Variants in USP20 observed in about 807,000 individuals in gnomAD.
USP20 encodes the protein ubiquitin carboxyl-terminal hydrolase 20.
In USP20, 80 loss-of-function variants were observed where a neutral mutation model predicts 124.2. That is an observed-to-expected ratio of 0.64 (90% confidence interval 0.54 to 0.78). The LOEUF is 0.78. Ranked by LOEUF, USP20 falls within the 30% of genes least tolerant of loss-of-function variation. USP20 has a pLI of 0.00. For synonymous variants in USP20, 481 were observed against 512.3 expected, an observed-to-expected ratio of 0.94 and a Z score of 0.83; for missense variants, 1,043 against 1,244.4, an observed-to-expected ratio of 0.84 and a Z score of 2.44.
At chr9:129,843,238 TGGCCAACGTGGTGAAACCTCGTC>T (rs2032336324) in intron 1 of USP20, among the ~76,000 whole-genome samples, 1 of 151,952 alleles carries the variant, frequency 6.6e-6, no homozygotes, top group Non-Finnish European at 1.5e-5. Context: ...GAGACCACCC[TGGCCAACGTGGTGAAACCTCGTC>T]TCTACTAAAA....
chr9:129,846,239 A>AT lies in USP20; in HGVS notation c.-128-3573dup, dbSNP rs1384907761. On this transcript the variant is annotated intron_variant, in intron 1 of 25. Coordinates refer to ENST00000372429, the MANE Select transcript of USP20 (RefSeq NM_001110303.4). Reference sequence around the variant, plus strand: ...CCACTGCGCCCAGCCATATATATATATATATATATTTTTTTTTTTTTTTTT... The same window carrying AT: ...CCACTGCGCCCAGCCATATATATATATTATATATATTTTTTTTTTTTTTTTT... Among the ~76,000 whole-genome samples, 8 of 21,400 alleles carry AT rather than the reference A, an allele frequency of 3.7e-4. No homozygotes were observed. In the South Asian group the frequency reaches 7.2e-3, roughly 19 times the overall value. 14.0% of individuals were successfully genotyped at this position (21,400 alleles called of 152,430 possible). A position where few individuals can be genotyped will look rare whatever the true frequency, so the allele number is the denominator to read the frequency against.
rs2034021558 is a variant in USP20, at chr9:129,869,716, T to A, written c.1437T>A (p.Ile479=). The A allele has an allele frequency of 6.2e-7, 1 of 1,613,972 alleles. No homozygotes were observed. The highest frequency in any genetic ancestry group is 1.3e-5 in the African/African-American group (1 of 74,934). The part of the protein sequence containing the change: ...VETFQDLSLP[I]PGKEDLAKLH... Reference sequence around the variant, plus strand: ...CGTTCCAGGACTTATCACTGCCCATTCCTGGAAAGGAGGACCTGGCCAAGC... The same window carrying A: ...CGTTCCAGGACTTATCACTGCCCATACCTGGAAAGGAGGACCTGGCCAAGC... The change falls in exon 14 of 26, where the codon ATT becomes ATA. Residue 479 remains isoleucine, a synonymous_variant. Transcript: ENST00000372429.
intron 1 of USP20, among the ~76,000 whole-genome samples, chr9:129,844,568 C>G (rs545945444): frequency 2.2e-5 from 3 of 137,962 alleles, no homozygotes; most frequent in Non-Finnish European, 4.6e-5. Flanking sequence ...AGAGTGTGTT[C>G]AGTCGAGATC....
At chr9:129,848,284 G>A (rs962625533) in intron 1 of USP20, among the ~76,000 whole-genome samples, 4 of 151,910 alleles carry the variant, frequency 2.6e-5, no homozygotes, top group East Asian at 1.9e-4. Flanking sequence ...CAACAAGAGC[G>A]AAACTCCATC....
rs1042938246 is a variant in USP20 at position 129,849,512 on chromosome 9, A to C, written c.-128-301A>C. On this transcript the variant is annotated intron_variant, in intron 1 of 25. Coordinates refer to ENST00000372429, the MANE Select transcript of USP20 (RefSeq NM_001110303.4). The stretch of plus-strand genomic sequence containing the variant: ...AGTGGCTCACGCCTATAATCTCAGC[A>C]CTTTGGAAGGCCTGAGGTGGGAGGA... Among the ~76,000 whole-genome samples the C allele has an allele frequency of 9.9e-5, 15 of 152,250 alleles. No homozygotes were observed. In the Middle Eastern group the frequency reaches 0.01, roughly 104 times the overall value.
intron 3 of USP20, 61 bp downstream of exon 3, chr9:129,852,697 G>A (rs1184335461): frequency 1.7e-5 from 25 of 1,493,398 alleles, no homozygotes; most frequent in Non-Finnish European, 2.1e-5. Flanking sequence ...TTCCTGGGGT[G>A]TGGACATTTC....
chr9:129,873,313 A>G (rs1425492022), intron 15 of USP20, among the ~76,000 whole-genome samples, 169 bp from the exon 16 acceptor site: 2 of 151,502 alleles, frequency 1.3e-5, no homozygotes, highest in African/African-American at 4.8e-5. Context: ...CGAACTCCTG[A>G]CCTCAGGGGA....
intron 1 of USP20, among the ~76,000 whole-genome samples, chr9:129,838,588 G>A (rs1354555223): frequency 2.0e-5 from 3 of 152,174 alleles, no homozygotes; most frequent in Admixed American, 2.0e-4. Flanking sequence ...GAAGATGCAT[G>A]GTTTCTAAAC....
intron 3 of USP20, among the ~76,000 whole-genome samples, chr9:129,855,055 G>T (rs1298501488): frequency 6.6e-6 from 1 of 152,158 alleles, no homozygotes; most frequent in Non-Finnish European, 1.5e-5. Flanking sequence ...TGACCTCTCT[G>T]AGTCCCAGTT....
intron 9 of USP20, among the ~76,000 whole-genome samples, chr9:129,863,975 G>A (rs1234989097): frequency 3.3e-5 from 5 of 151,850 alleles, no homozygotes; most frequent in Non-Finnish European, 5.9e-5. Flanking sequence ...GTGTGGTGGC[G>A]TGTGCCTGTA....
Position 129,873,755 on chromosome 9 carries a change from G to A in USP20, c.1740+11G>A, listed in dbSNP as rs761443655. 43 of 1,609,660 alleles carry A rather than the reference G, an allele frequency of 2.7e-5. No individual in the cohort carries two copies. The South Asian group carries it at 3.5e-4, about 13-fold the overall frequency. On this transcript the variant is annotated intron_variant, in intron 17 of 25. Coordinates refer to ENST00000372429, the MANE Select transcript of USP20 (RefSeq NM_001110303.4). ...CTGCGGTTGCCCGAGGTGAGCCAGT[G>A]GCCTCGGCAGCCTCCTCCTCAGCTA...
chr9:129,866,655 C>G (rs994020804), intron 10 of USP20, among the ~76,000 whole-genome samples: 3 of 152,212 alleles, frequency 2.0e-5, no homozygotes, highest in Non-Finnish European at 4.4e-5. Flanking sequence ...GCAGAAGCAT[C>G]CCTTTCTGTG....
chr9:129,873,652 C>G, intron 16 of USP20, 47 bp from the exon 17 acceptor site: 1 of 1,613,896 alleles, frequency 6.2e-7, no homozygotes, highest in Non-Finnish European at 8.5e-7. Context: ...TCCCTGGCCC[C>G]TGGCCCTGAT....
chr9:129,863,037 G>A (rs2033630234), intron 8 of USP20, 149 bp from the exon 9 acceptor site: 1 of 455,702 alleles, frequency 2.2e-6, no homozygotes, highest in East Asian at 3.3e-5. Context: ...TAACTGGTAG[G>A]AGCCTTCTAG....
rs1211954339 is a variant in USP20, at chr9:129,868,312, C to T, written c.998C>T (p.Ser333Phe). The change falls in exon 11 of 26, where the codon TCC becomes TTC. Residue 333 changes from serine to phenylalanine, a missense_variant. Ser to Phe is a radical substitution (Grantham distance 155). Transcript: ENST00000372429. ...GAGCGGATGAAGGACCGCAAGTTCT[C>T]CTGGGGCCAGCAGCGTACAAACTCG... ...EKERMKDRKF[S>F]WGQQRTNSEQ... 2.5e-6 allele frequency: 4 copies of T among 1,613,842 alleles called. No individual in the cohort carries two copies. The highest frequency in any genetic ancestry group is 4.5e-5 in the East Asian group (2 of 44,870).
At chr9:129,851,258 C>CTTTTT (rs35791819) in intron 2 of USP20, among the ~76,000 whole-genome samples, 9,002 of 125,820 alleles carry the variant, frequency 0.072, 465 homozygotes, top group Middle Eastern at 0.1. Flanking sequence ...ATAACACATA[C>CTTTTT]TTTTTTTTTT....
rs2034027523 is a variant in USP20 at position 129,869,811 on chromosome 9, G to C, written c.1532G>C (p.Gly511Ala). 9.9e-6 allele frequency: 16 copies of C among 1,613,996 alleles called. No individual in the cohort carries two copies. Among genetic ancestry groups the C allele is most frequent in the Non-Finnish European group, 1.4e-5 (16 of 1,180,024 alleles). The change falls in exon 14 of 26, where the codon GGC (glycine) becomes GCC (alanine). Residue 511 changes from glycine to alanine, a missense_variant. Physicochemically the swap from Gly to Ala is moderately conservative, Grantham distance 60 (BLOSUM62 0). Transcript: ENST00000372429. Reference sequence around the variant, plus strand: ...TGTGGGGACAGCTATGCCGCCCAGGGCTGGCTGGCCTTCATTGTGGAGTAC... The same window carrying C: ...TGTGGGGACAGCTATGCCGCCCAGGCCTGGCTGGCCTTCATTGTGGAGTAC... ...GACGDSYAAQ[G>A]WLAFIVEYIR...
intron 22 of USP20, among the ~76,000 whole-genome samples, 157 bp downstream of exon 22, chr9:129,876,395 T>C (rs1255814895): frequency 6.6e-6 from 1 of 152,116 alleles, no homozygotes; most frequent in African/African-American, 2.4e-5. Flanking sequence ...TCCCAGCACT[T>C]TGGGAGGCTG....
At chr9:129,852,963 A>G (rs1266498035) in intron 3 of USP20, among the ~76,000 whole-genome samples, 1 of 152,184 alleles carries the variant, frequency 6.6e-6, no homozygotes, top group Non-Finnish European at 1.5e-5. Context: ...AGGTGGCTCC[A>G]GGAGGGCTCA....
Sources: allele counts gnomAD v4.1 joint callset (sites outside exome capture counted in the v4.1 genomes callset), GRCh38; gene constraint gnomAD v4.1.1; transcripts MANE v1.5; gene names NCBI Gene and HGNC (gene_info 2026-07-23, HGNC 2026-07-21).